REPS2: variants seen among roughly 807,000 people sequenced by gnomAD.
The protein encoded by REPS2 is ralBP1-associated Eps domain-containing protein 2.
In REPS2, 23 loss-of-function variants were observed where a neutral mutation model predicts 53.6. That is an observed-to-expected ratio of 0.43 (90% CI 0.31 to 0.61). The LOEUF is 0.61. Ranked by LOEUF, REPS2 falls within the 20% of genes least tolerant of loss-of-function variation. The probability of loss-of-function intolerance (pLI) is 0.11; values close to 1 mark genes in which losing one functional copy is unlikely to be tolerated. For synonymous variants in REPS2, 238 were observed against 218.6 expected (o/e 1.09, Z -0.78); for missense variants, 446 against 534.9 (o/e 0.83, Z 1.64).
the REPS2 span, among the ~76,000 whole-genome samples, chrX:17,175,230 A>G: frequency 4.1e-4 from 46 of 112,216 alleles, no homozygotes; most frequent in African/African-American, 1.5e-3. Context: ...AGAGAAAGAC[A>G]AGGAAGAAAA....
At position 17,148,839 on chromosome X, in the gene REPS2, C is replaced by T. The variant is rs956130540; in HGVS notation, c.*1358C>T. The T allele has an allele frequency of 3.0e-6, 1 of 335,458 alleles. No homozygotes were observed. The highest frequency in any genetic ancestry group is 5.7e-6 in the Non-Finnish European group (1 of 174,897). 27.6% of individuals were successfully genotyped at this position (335,458 alleles called of 1,213,427 possible). On this transcript the variant is annotated 3_prime_UTR_variant, in exon 18 of 18. Coordinates refer to ENST00000357277, the MANE Select transcript of REPS2 (RefSeq NM_004726.3). ...GTCTCTTGTGCATTTTACTAATTTC[C>T]CCATTCTTAGGGTAGCAGGGTGGGG...
At chrX:17,012,814 G>T (rs2061446198) in intron 2 of REPS2, among the ~76,000 whole-genome samples, 1 of 111,828 alleles carries the variant, frequency 8.9e-6, no homozygotes, top group Admixed American at 9.5e-5. Flanking sequence ...ACTGCTAATG[G>T]GTAATAGTTT....
intron 12 of REPS2, among the ~76,000 whole-genome samples, chrX:17,074,856 G>A (rs1426801): frequency 0.38 from 41,855 of 110,476 alleles, 6,230 homozygotes; most frequent in East Asian, 0.82. Flanking sequence ...AGGATACCAT[G>A]TGTGTGTTTT....
At chrX:17,106,415 CT>C (rs1228397463) in intron 14 of REPS2, among the ~76,000 whole-genome samples, 350 of 100,148 alleles carry the variant, frequency 3.5e-3, no homozygotes, top group South Asian at 0.015. Context: ...CCTGAAGTAA[CT>C]TTTTTTTTTT....
rs1321686723 is a variant in REPS2 at position 17,150,830 on chromosome X, G to A, written c.*3349G>A. The A allele has an allele frequency of 1.8e-5, 2 of 112,359 alleles. No individual in the cohort carries two copies. Among genetic ancestry groups the A allele is most frequent in the Non-Finnish European group, 3.8e-5 (2 of 53,210 alleles). The allele number at this position is 112,359 out of a possible 1,213,427, so 9.3% of individuals were successfully genotyped here. On this transcript the variant is annotated 3_prime_UTR_variant, in exon 18 of 18. Transcript: ENST00000357277. ...ACCTGATTTTATGGATTTTGAGTTA[G>A]ATTCTCTACCCTCTATCAATACTAA...
chrX:16,994,132 A>G (rs1173486708), intron 1 of REPS2, among the ~76,000 whole-genome samples: 3 of 112,455 alleles, frequency 2.7e-5, no homozygotes, highest in African/African-American at 9.7e-5. Flanking sequence ...CTAGAAAACA[A>G]TCATCTACTG....
chrX:17,165,204 T>C, the REPS2 span, among the ~76,000 whole-genome samples: 1 of 112,032 alleles, frequency 8.9e-6, no homozygotes, highest in African/African-American at 3.2e-5. Flanking sequence ...ACTCCATGGA[T>C]CTATTGAATC....
At chrX:16,951,271 A>C (rs1456488582) in intron 1 of REPS2, among the ~76,000 whole-genome samples, 1 of 111,749 alleles carries the variant, frequency 8.9e-6, no homozygotes, top group African/African-American at 3.3e-5. Flanking sequence ...CTAGTTTAAA[A>C]GTATCCCATT....
chrX:17,160,465 A>T, the REPS2 span, among the ~76,000 whole-genome samples: 18 of 112,691 alleles, frequency 1.6e-4, no homozygotes, highest in Admixed American at 1.7e-3. Flanking sequence ...TATTTCAAAA[A>T]TTTTATGGAC....
chrX:17,183,897 CT>C, the REPS2 span, among the ~76,000 whole-genome samples: 14 of 112,023 alleles, frequency 1.2e-4, no homozygotes, highest in African/African-American at 4.2e-4. Context: ...TTGCAATTTC[CT>C]TTGCCCTAAG....
At chrX:16,975,259 A>G (rs887469417) in intron 1 of REPS2, among the ~76,000 whole-genome samples, 2 of 111,737 alleles carry the variant, frequency 1.8e-5, no homozygotes, top group Non-Finnish European at 3.8e-5. Context: ...GTCGAATGGT[A>G]TTTCCGTTTT....
intron 8 of REPS2, among the ~76,000 whole-genome samples, chrX:17,056,814 T>G (rs373785497): frequency 5.3e-5 from 6 of 112,502 alleles, no homozygotes; most frequent in Admixed American, 9.4e-5. Context: ...GATGAAGATA[T>G]AGAATATTCT....
chrX:17,004,576 T>C (rs905291905), intron 1 of REPS2, among the ~76,000 whole-genome samples: 1 of 111,116 alleles, frequency 9.0e-6, no homozygotes, highest in African/African-American at 3.3e-5. Flanking sequence ...TTAACTCACT[T>C]ATGTGTATAT....
intron 1 of REPS2, among the ~76,000 whole-genome samples, chrX:16,980,808 G>C (rs373914083): frequency 8.9e-6 from 1 of 112,233 alleles, no homozygotes; most frequent in Admixed American, 9.4e-5. Context: ...GGCACAGGAC[G>C]TTAAGAACCC....
chrX:17,035,032 C>T lies in REPS2; in HGVS notation c.771+5409C>T, dbSNP rs187729848. Reference sequence around the variant, plus strand: ...CCCTAGATATAACTGCAGGTACTTACGGCCAGAAGCAGGTGATCTCCACTC... The same window carrying T: ...CCCTAGATATAACTGCAGGTACTTATGGCCAGAAGCAGGTGATCTCCACTC... On this transcript the variant is annotated intron_variant, in intron 5 of 17. Coordinates refer to ENST00000357277, the MANE Select transcript of REPS2 (RefSeq NM_004726.3). 2.3e-4 allele frequency among the ~76,000 whole-genome samples: 25 copies of T among 110,273 alleles called. No homozygotes were observed. In the East Asian group the frequency reaches 6.9e-3, roughly 30 times the overall value.
At chrX:17,158,152 C>G (rs2063629034), downstream of REPS2, among the ~76,000 whole-genome samples, 1 of 112,030 alleles carries the variant, frequency 8.9e-6, no homozygotes, top group East Asian at 2.8e-4. Flanking sequence ...GTGTGCAGCA[C>G]AATGAATCAT....
At chrX:17,036,321 A>C (rs1187766591) in intron 5 of REPS2, among the ~76,000 whole-genome samples, 1 of 112,750 alleles carries the variant, frequency 8.9e-6, no homozygotes, top group African/African-American at 3.2e-5. Flanking sequence ...TAATTAGCAT[A>C]TCTCTTTATT....
At chrX:16,958,495 A>G (rs1038269456) in intron 1 of REPS2, among the ~76,000 whole-genome samples, 1 of 111,924 alleles carries the variant, frequency 8.9e-6, no homozygotes, top group African/African-American at 3.3e-5. Flanking sequence ...GCACGAAGGG[A>G]CTAGCAGCAG....
At chrX:17,100,207 C>T in intron 13 of REPS2, 1 of 596,773 alleles carries the variant, frequency 1.7e-6, no homozygotes, top group African/African-American at 2.2e-5. Context: ...TTAGGAGGTA[C>T]TCCACTTTGC....
Sources: gnomAD v4.1 joint callset for allele counts (sites outside exome capture counted in the v4.1 genomes callset) on GRCh38, gnomAD v4.1.1 for gene constraint, MANE v1.5 for transcripts, NCBI Gene and HGNC (gene_info 2026-07-23, HGNC 2026-07-21) for gene names.